DNAI4: variants seen among roughly 807,000 people sequenced by gnomAD.
DNAI4 encodes the protein WD repeat domain 78.
A neutral mutation model predicts 105.8 loss-of-function variants in DNAI4; 85 were observed. The ratio of observed to expected loss-of-function variants is 0.80; its 90% CI spans 0.67 to 0.96. The LOEUF (loss-of-function observed/expected upper bound fraction) is 0.96, where lower values mean the gene tolerates loss of function less well. Ranked by LOEUF, DNAI4 falls within the 40% of genes least tolerant of loss-of-function variation. The pLI is 0.00. For missense variants in DNAI4, 1,014 were observed against 1,005.6 expected (o/e 1.01, Z -0.11); for synonymous variants, 352 against 331.5 (o/e 1.06, Z -0.67).
chr1:66,823,316 C>T (rs1645675424), intron 15 of DNAI4, among the ~76,000 whole-genome samples: 1 of 151,700 alleles, frequency 6.6e-6, no homozygotes, highest in Admixed American at 6.6e-5. Context: ...CGTCGTTGGA[C>T]ATTTGGGTTG....
In DNAI4 at chr1:66,903,554, G is replaced by A. The variant is rs1649000781; in HGVS notation, c.345+1647C>T. On this transcript the variant is annotated intron_variant, in intron 2 of 16. Coordinates refer to ENST00000371026, the MANE Select transcript of DNAI4 (RefSeq NM_024763.5). ...GTTCCTCAAGCTGGAGTACAATGGCGCTCTCTCTGCTCACTGCAACCCTCT... is the reference window on the plus strand; with the variant it reads ...GTTCCTCAAGCTGGAGTACAATGGCACTCTCTCTGCTCACTGCAACCCTCT... Among the ~76,000 whole-genome samples the A allele has an allele frequency of 2.6e-5, 4 of 152,076 alleles. No homozygotes were observed. The South Asian group carries it at 6.2e-4, about 24-fold the overall frequency.
In DNAI4 at chr1:66,857,121, T is replaced by C. The variant is rs557737363; in HGVS notation, c.1096+5026A>G. Among the ~76,000 whole-genome samples, 6 of 151,938 alleles carry C rather than the reference T, an allele frequency of 3.9e-5. No individual in the cohort carries two copies. The South Asian group carries it at 1.0e-3, about 26-fold the overall frequency. The stretch of plus-strand genomic sequence containing the variant: ...GAAAGAACATTTAAAATTGCCAGTA[T>C]GAGAAATGGAAGAAGTGTCATCACT... On this transcript the variant is annotated intron_variant, in intron 7 of 16. Transcript: ENST00000371026.
intron 2 of DNAI4, among the ~76,000 whole-genome samples, chr1:66,896,139 T>C (rs964986799): frequency 2.6e-5 from 4 of 152,200 alleles, no homozygotes; most frequent in Admixed American, 6.5e-5. Context: ...CATACCACAA[T>C]TGAAGTCATC....
intron 6 of DNAI4, among the ~76,000 whole-genome samples, chr1:66,864,756 G>A (rs1421046874): frequency 1.3e-5 from 2 of 152,086 alleles, no homozygotes; most frequent in Non-Finnish European, 2.9e-5. Flanking sequence ...CAGGAGAATC[G>A]CTTGAACCCA....
intron 4 of DNAI4, among the ~76,000 whole-genome samples, chr1:66,878,339 G>C (rs1303475943): frequency 6.6e-6 from 1 of 151,946 alleles, no homozygotes; most frequent in Non-Finnish European, 1.5e-5. Flanking sequence ...TTTGTTGTTT[G>C]TTTATTGTAG....
intron 2 of DNAI4, among the ~76,000 whole-genome samples, chr1:66,894,807 T>C (rs1648172841): frequency 6.6e-6 from 1 of 152,214 alleles, no homozygotes; most frequent in African/African-American, 2.4e-5. Flanking sequence ...TAATATTATA[T>C]GTTTTATTAA....
In DNAI4 at chr1:66,847,685, A is replaced by T; in HGVS notation, c.1097-7T>A. 1 of 1,572,072 alleles carries T rather than the reference A, an allele frequency of 6.4e-7. No individual in the cohort carries two copies. On this transcript the variant is annotated splice_region_variant and splice_polypyrimidine_tract_variant and intron_variant, in intron 7 of 16. Transcript: ENST00000371026. Reference sequence around the variant, plus strand: ...AGAGAACTAGTTTCACTATCTACAAAATACAAACATGATACAATGATAAAA... The same window carrying T: ...AGAGAACTAGTTTCACTATCTACAATATACAAACATGATACAATGATAAAA...
chr1:66,920,936 A>T (rs777957778), intron 1 of DNAI4, among the ~76,000 whole-genome samples: 1 of 152,208 alleles, frequency 6.6e-6, no homozygotes, highest in Non-Finnish European at 1.5e-5. Flanking sequence ...AGCCTATTTA[A>T]TCTCAGTTCA....
chr1:66,825,828 CA>C (rs1306664936), intron 15 of DNAI4, among the ~76,000 whole-genome samples: 1 of 152,096 alleles, frequency 6.6e-6, no homozygotes, highest in Admixed American at 6.5e-5. Context: ...CAATTCCTAG[CA>C]AAAAATTTTC....
In DNAI4 at chr1:66,892,975, AAGAAAGAAAGAAAGAAAGAAAGAG is replaced by A. The variant is rs1397140046; in HGVS notation, c.530+230_530+253del. 6.0e-3 allele frequency among the ~76,000 whole-genome samples: 824 copies of A among 137,784 alleles called. 15 individuals are homozygous for A. The highest frequency in any genetic ancestry group is 0.023 in the African/African-American group (789 of 33,850). 90.4% of individuals were successfully genotyped at this position (137,784 alleles called of 152,430 possible). On this transcript the variant is annotated intron_variant, in intron 3 of 16. Coordinates refer to ENST00000371026, the MANE Select transcript of DNAI4 (RefSeq NM_024763.5). ...GAAGAAAGAAAGAAAGAAAGAAAGA[AAGAAAGAAAGAAAGAAAGAAAGAG>A]AGAAAGAGAGAGAGGAAAGAAAGAA... is the stretch of plus-strand genomic sequence containing the variant.
chr1:66,918,481 C>A (rs1424663465), intron 1 of DNAI4, among the ~76,000 whole-genome samples: 8 of 152,176 alleles, frequency 5.3e-5, no homozygotes, highest in Admixed American at 5.2e-4. Flanking sequence ...GCCCTGTGAA[C>A]TGAAGCCAGA....
intron 16 of DNAI4, among the ~76,000 whole-genome samples, chr1:66,814,838 C>T (rs1645484334): frequency 6.6e-6 from 1 of 152,106 alleles, no homozygotes; most frequent in Non-Finnish European, 1.5e-5. Flanking sequence ...TAATGTTTGA[C>T]TTAGAGAGTA....
At chr1:66,911,428 G>T (rs1210277799) in intron 1 of DNAI4, among the ~76,000 whole-genome samples, 2 of 152,086 alleles carry the variant, frequency 1.3e-5, no homozygotes, top group Non-Finnish European at 2.9e-5. Flanking sequence ...GGCTATTGGT[G>T]ATCAACTTAA....
chr1:66,822,574 A>G, intron 15 of DNAI4, 57 bp from the exon 16 acceptor site: 2 of 1,348,736 alleles, frequency 1.5e-6, no homozygotes, highest in Non-Finnish European at 2.0e-6. Context: ...GGTCTTTTAA[A>G]TAGACAAAGA....
chr1:66,858,191 C>T (rs1295911194), intron 7 of DNAI4, among the ~76,000 whole-genome samples: 1 of 151,922 alleles, frequency 6.6e-6, no homozygotes, highest in Non-Finnish European at 1.5e-5. Flanking sequence ...CAGATGAAGA[C>T]ATTATAAGAA....
At chr1:66,901,259 A>C (rs1435513313) in intron 2 of DNAI4, among the ~76,000 whole-genome samples, 3 of 146,214 alleles carry the variant, frequency 2.1e-5, no homozygotes, top group Admixed American at 6.8e-5. Flanking sequence ...TGTGTTATTC[A>C]CTCTTTTTTT....
intron 4 of DNAI4, among the ~76,000 whole-genome samples, chr1:66,887,633 G>T (rs1022135702): frequency 1.3e-5 from 2 of 151,924 alleles, no homozygotes; most frequent in Non-Finnish European, 2.9e-5. Flanking sequence ...TAAAAACAAA[G>T]ATAATAATTA....
intron 4 of DNAI4, among the ~76,000 whole-genome samples, chr1:66,887,648 A>C (rs1647262618): frequency 6.6e-6 from 1 of 152,182 alleles, no homozygotes. Context: ...TAATTACTCA[A>C]GGATCATCAC....
intron 4 of DNAI4, among the ~76,000 whole-genome samples, chr1:66,878,917 T>C (rs945576006): frequency 6.6e-6 from 1 of 152,206 alleles, no homozygotes; most frequent in Non-Finnish European, 1.5e-5. Context: ...TTTAGGTATA[T>C]ACCCTTTCCT....
Sources: gnomAD v4.1 joint callset for allele counts (sites outside exome capture counted in the v4.1 genomes callset) on GRCh38, gnomAD v4.1.1 for gene constraint, MANE v1.5 for transcripts, NCBI Gene and HGNC (gene_info 2026-07-23, HGNC 2026-07-21) for gene names.